The following SLC4A7 variants were observed in gnomAD, a reference collection of about 807,000 sequenced individuals.
SLC4A7 encodes solute carrier family 4 member 7, also known as sodium bicarbonate cotransporter 3.
A neutral mutation model predicts 137.6 loss-of-function variants in SLC4A7; 51 were observed. The observed-to-expected ratio is 0.37, with a 90% CI of 0.30 to 0.47. SLC4A7 has a LOEUF of 0.47. Ranked by LOEUF, SLC4A7 falls within the 20% of genes least tolerant of loss-of-function variation. The probability of loss-of-function intolerance (pLI) is 1.00; values close to 1 mark genes in which losing one functional copy is unlikely to be tolerated. For synonymous variants in SLC4A7, 542 were observed against 518.6 expected (o/e 1.05, Z -0.61); for missense variants, 1,247 against 1,525.4 (o/e 0.82, Z 3.04).
At chr3:27,456,969 A>C (rs954578269) in intron 1 of SLC4A7, 1 of 981,644 alleles carries the variant, frequency 1.0e-6, no homozygotes, top group Admixed American at 6.1e-5. Flanking sequence ...TTTTCAACTG[A>C]AACCTTTCTG....
At chr3:27,438,748 T>G (rs978470898) in intron 3 of SLC4A7, among the ~76,000 whole-genome samples, 28 of 152,180 alleles carry the variant, frequency 1.8e-4, no homozygotes, top group African/African-American at 6.5e-4. Flanking sequence ...GCTGAAGAGT[T>G]AACTTTACAA....
At chr3:27,440,689 C>G (rs111896238) in intron 3 of SLC4A7, among the ~76,000 whole-genome samples, 1,620 of 151,722 alleles carry the variant, frequency 0.011, 10 homozygotes, top group South Asian at 0.02. Context: ...GATCATGCCA[C>G]TATACTCCAG....
chr3:27,407,503 A>C (rs185637977), intron 13 of SLC4A7, among the ~76,000 whole-genome samples: 1 of 150,930 alleles, frequency 6.6e-6, no homozygotes, highest in Non-Finnish European at 1.5e-5. Context: ...AAATCAGCCT[A>C]TTACCCTGCC....
In SLC4A7 at chr3:27,375,624, AAAGT is replaced by A. The variant is rs566691427; in HGVS notation, c.*1136_*1139del. The A allele has an allele frequency of 2.1e-3, 317 of 152,600 alleles. 2 individuals carry two copies. The highest frequency in any genetic ancestry group is 7.2e-3 in the African/African-American group (301 of 41,580). 9.5% of individuals were successfully genotyped at this position (152,600 alleles called of 1,614,324 possible). A position where few individuals can be genotyped will look rare whatever the true frequency, so the allele number is the denominator to read the frequency against. ...TGCTTTAAGATAATAAACATAAATGAAAGTAAGCACCAACTATTTACATTAACAA... is the reference window on the plus strand; with the variant it reads ...TGCTTTAAGATAATAAACATAAATGAAAGCACCAACTATTTACATTAACAA... On this transcript the variant is annotated 3_prime_UTR_variant, in exon 26 of 26. Transcript: ENST00000454389.
chr3:27,409,464 A>G lies in SLC4A7; in HGVS notation c.1833T>C (p.Asp611=), dbSNP rs1227291520. 1 of 1,613,810 alleles carries G rather than the reference A, an allele frequency of 6.2e-7. No individual in the cohort carries two copies. Among genetic ancestry groups the G allele is most frequent in the Non-Finnish European group, 8.5e-7 (1 of 1,179,746 alleles). ...KAPFFLSDFK[D]ALSLQCLASI... ...AGGCCAGGCACTGCAGGCTTAATGC[A>G]TCCTTGAAGTCACTCAAGAAAAAAG... is the stretch of plus-strand genomic sequence containing the variant. Residue 611 remains aspartate (D), a synonymous_variant, in exon 13 of 26, where the codon GAT becomes GAC. Coordinates refer to ENST00000454389, the MANE Select transcript of SLC4A7 (RefSeq NM_001321103.2).
chr3:27,407,478 CA>C (rs11319544), intron 13 of SLC4A7, among the ~76,000 whole-genome samples: 29,507 of 116,758 alleles, frequency 0.25, 3,080 homozygotes, highest in Non-Finnish European at 0.29. Flanking sequence ...GACTCCGCCT[CA>C]AAAAAAAAAA....
intron 11 of SLC4A7, among the ~76,000 whole-genome samples, chr3:27,416,752 T>C (rs1282251893): frequency 6.6e-6 from 1 of 152,168 alleles, no homozygotes; most frequent in African/African-American, 2.4e-5. Flanking sequence ...ACAATACTCA[T>C]GAATATACTC....
rs1436623222 is a variant in SLC4A7, at chr3:27,419,216, G to C, written c.1513-584C>G. Among the ~76,000 whole-genome samples, 6 of 151,940 alleles carry C rather than the reference G, an allele frequency of 3.9e-5. No homozygotes were observed. In the East Asian group the frequency reaches 1.2e-3, roughly 30 times the overall value. On this transcript the variant is annotated intron_variant, in intron 10 of 25. Transcript: ENST00000454389. ...TGATAGACGCTCTGATAAAAAGAAA[G>C]TAGGGTACAGAAAGGGAAACTGATG...
chr3:27,406,267 CA>C (rs1435439430), intron 13 of SLC4A7, among the ~76,000 whole-genome samples: 1 of 152,154 alleles, frequency 6.6e-6, no homozygotes, highest in African/African-American at 2.4e-5. Flanking sequence ...ATATTATTTG[CA>C]AAAACACCTA....
rs539368425 is a variant in SLC4A7, at chr3:27,438,303, G to A, written c.290-777C>T. ...GGTTGGATCATGAGGTCAGCAGTTG[G>A]AGACCAACCTGGCCAACATGGTGAA... On this transcript the variant is annotated intron_variant, in intron 3 of 25. Transcript: ENST00000454389. 2.7e-5 allele frequency among the ~76,000 whole-genome samples: 4 copies of A among 150,676 alleles called. No individual in the cohort carries two copies. The East Asian group carries it at 5.9e-4, about 22-fold the overall frequency.
At chr3:27,398,429 T>C in intron 16 of SLC4A7, 76 bp from the exon 17 acceptor site, 1 of 1,280,878 alleles carries the variant, frequency 7.8e-7, no homozygotes, top group South Asian at 1.6e-5. Flanking sequence ...CTTCATTGAC[T>C]CGTAAGATGC....
At chr3:27,428,567 A>C (rs148658456) in intron 7 of SLC4A7, among the ~76,000 whole-genome samples, 11 of 152,290 alleles carry the variant, frequency 7.2e-5, no homozygotes, top group African/African-American at 2.4e-4. Context: ...AAGCCAATAG[A>C]AAGAGAGGTT....
At chr3:27,477,655 A>AATG (rs1185176782) in intron 1 of SLC4A7, among the ~76,000 whole-genome samples, 1 of 152,036 alleles carries the variant, frequency 6.6e-6, no homozygotes, top group African/African-American at 2.4e-5. Flanking sequence ...GTTGCCCAGG[A>AATG]ATGCAGTGGC....
chr3:27,403,738 T>C (rs1349115721), intron 14 of SLC4A7, among the ~76,000 whole-genome samples: 1 of 152,152 alleles, frequency 6.6e-6, no homozygotes, highest in Non-Finnish European at 1.5e-5. Flanking sequence ...GGTGTCTATA[T>C]GAAAAAACAA....
chr3:27,415,269 A>G (rs1236800817), intron 11 of SLC4A7, among the ~76,000 whole-genome samples: 5 of 152,196 alleles, frequency 3.3e-5, no homozygotes, highest in Non-Finnish European at 7.3e-5. Context: ...GTACTTCCTG[A>G]CTTCAGGAAC....
At chr3:27,457,749 T>G (rs1177787550) in intron 1 of SLC4A7, among the ~76,000 whole-genome samples, 2 of 152,106 alleles carry the variant, frequency 1.3e-5, no homozygotes, top group East Asian at 3.9e-4. Context: ...ATATCAAAAA[T>G]TTTTTTAAAT....
chr3:27,429,937 T>C (rs1474638358), intron 7 of SLC4A7, among the ~76,000 whole-genome samples: 1 of 151,830 alleles, frequency 6.6e-6, no homozygotes, highest in Non-Finnish European at 1.5e-5. Context: ...AAGGTATGGC[T>C]GGGCCTGGTG....
At chr3:27,429,945 G>C (rs1188889461) in intron 7 of SLC4A7, among the ~76,000 whole-genome samples, 1 of 152,140 alleles carries the variant, frequency 6.6e-6, no homozygotes, top group Non-Finnish European at 1.5e-5. Flanking sequence ...GCTGGGCCTG[G>C]TGACTCACAC....
chr3:27,452,932 A>G (rs531460132), intron 1 of SLC4A7, among the ~76,000 whole-genome samples: 2 of 152,342 alleles, frequency 1.3e-5, no homozygotes, highest in South Asian at 4.1e-4. Context: ...ATGGTCAAAC[A>G]TAAAATTGTC....
Sources: allele counts gnomAD v4.1 joint callset (sites outside exome capture counted in the v4.1 genomes callset), GRCh38; gene constraint gnomAD v4.1.1; transcripts MANE v1.5; gene names NCBI Gene and HGNC (gene_info 2026-07-23, HGNC 2026-07-21).